SHROOM3: variants seen among roughly 807,000 people sequenced by gnomAD.
SHROOM3 encodes shroom family member 3.
SHROOM3 carries 47 observed loss-of-function variants against 138.6 expected under a neutral mutation model. The observed-to-expected ratio is 0.34, with a 90% confidence interval of 0.27 to 0.43. SHROOM3 has a LOEUF of 0.43. Ranked by LOEUF, SHROOM3 falls within the 20% of genes least tolerant of loss-of-function variation. The pLI, the probability that SHROOM3 is intolerant of heterozygous loss-of-function variation, is 1.00. For missense variants in SHROOM3, 2,491 were observed against 2,596.5 expected, an observed-to-expected ratio of 0.96 and a Z score of 0.88; for synonymous variants, 1,062 against 1,063.3, an observed-to-expected ratio of 1.00 and a Z score of 0.02.
At chr4:76,520,645 T>C (rs2110010312) in intron 1 of SHROOM3, among the ~76,000 whole-genome samples, 1 of 152,258 alleles carries the variant, frequency 6.6e-6, no homozygotes, top group African/African-American at 2.4e-5. Flanking sequence ...GTGACACTAC[T>C]CTGAGTGTGA....
At chr4:76,511,182 C>CAAAAA in intron 1 of SHROOM3, among the ~76,000 whole-genome samples, 1 of 148,208 alleles carries the variant, frequency 6.7e-6, no homozygotes, top group Non-Finnish European at 1.5e-5. Flanking sequence ...AACTCCATCT[C>CAAAAA]AAAAATAATA....
intron 1 of SHROOM3, among the ~76,000 whole-genome samples, chr4:76,532,746 A>C (rs1421748152): frequency 1.3e-5 from 2 of 152,150 alleles, no homozygotes; most frequent in Non-Finnish European, 2.9e-5. Flanking sequence ...ACCTCAGCGT[A>C]CATTTTTTTT....
chr4:76,521,940 A>G (rs918318863), intron 1 of SHROOM3, among the ~76,000 whole-genome samples: 3 of 152,214 alleles, frequency 2.0e-5, no homozygotes, highest in Admixed American at 2.0e-4. Context: ...CAAGGACATG[A>G]TATCATCTTG....
chr4:76,717,987 C>T lies in SHROOM3; in HGVS notation c.455+7700C>T, dbSNP rs925355031. 7.2e-5 allele frequency among the ~76,000 whole-genome samples: 11 copies of T among 152,222 alleles called. No individual in the cohort carries two copies. In the East Asian group the frequency reaches 7.7e-4, roughly 11 times the overall value. ...CCTCCAGAATTATGCTAAATGTCAG[C>T]GCTTGCTTCTATAGATGCCTTTACT... On this transcript the variant is annotated intron_variant, in intron 3 of 10. Transcript: ENST00000296043.
chr4:76,667,837 G>A (rs930477305), intron 2 of SHROOM3, among the ~76,000 whole-genome samples: 1 of 151,068 alleles, frequency 6.6e-6, no homozygotes, highest in Non-Finnish European at 1.5e-5. Flanking sequence ...GCGTGGTGGC[G>A]CCCGCCTGTA....
chr4:76,553,740 A>G (rs1577881148), intron 1 of SHROOM3, among the ~76,000 whole-genome samples: 1 of 151,340 alleles, frequency 6.6e-6, no homozygotes, highest in Admixed American at 6.6e-5. Context: ...ATCCAAATCC[A>G]CCTGCCTCAG....
intron 2 of SHROOM3, among the ~76,000 whole-genome samples, chr4:76,609,000 A>G (rs1307884447): frequency 6.6e-6 from 1 of 151,742 alleles, no homozygotes; most frequent in Non-Finnish European, 1.5e-5. Flanking sequence ...TCAGGTCCCA[A>G]ATAAAACTTA....
chr4:76,455,784 T>G (rs1731015175), intron 1 of SHROOM3, among the ~76,000 whole-genome samples: 1 of 152,126 alleles, frequency 6.6e-6, no homozygotes, highest in Admixed American at 6.6e-5. Flanking sequence ...TCATATCCTT[T>G]CAGTAGGAAT....
chr4:76,714,138 A>T (rs1720308294), intron 3 of SHROOM3, among the ~76,000 whole-genome samples: 1 of 152,206 alleles, frequency 6.6e-6, no homozygotes, highest in African/African-American at 2.4e-5. Context: ...CCGTAGTACA[A>T]ATATCAAAAC....
chr4:76,582,922 A>G (rs1734079236), intron 2 of SHROOM3, among the ~76,000 whole-genome samples: 1 of 152,200 alleles, frequency 6.6e-6, no homozygotes, highest in African/African-American at 2.4e-5. Flanking sequence ...AGATTAGATC[A>G]TCATTACTTC....
rs1352228327 is a variant in SHROOM3 at position 76,780,085 on chromosome 4, T to C, written c.*908T>C. On this transcript the variant is annotated 3_prime_UTR_variant, in exon 11 of 11. Coordinates refer to ENST00000296043, the MANE Select transcript of SHROOM3 (RefSeq NM_020859.4). ...TCCAACAAAATTCAAACGGAGCCCA[T>C]GCTGTTCTCCTGAACAAGATTTGGG... 1.3e-5 allele frequency: 2 copies of C among 152,198 alleles called. No homozygotes were observed. Among genetic ancestry groups the C allele is most frequent in the Non-Finnish European group, 1.5e-5 (1 of 68,024 alleles). The allele number at this position is 152,198 out of a possible 1,614,324, so 9.4% of individuals were successfully genotyped here. A position where few individuals can be genotyped will look rare whatever the true frequency, so the allele number is the denominator to read the frequency against.
At chr4:76,534,489 G>T (rs1229976765) in intron 1 of SHROOM3, among the ~76,000 whole-genome samples, 3 of 151,526 alleles carry the variant, frequency 2.0e-5, no homozygotes, top group Non-Finnish European at 4.4e-5. Context: ...ATGCAAAGCA[G>T]TTGCTCGATA....
intron 1 of SHROOM3, among the ~76,000 whole-genome samples, chr4:76,500,141 C>G (rs977287128): frequency 5.9e-5 from 9 of 152,166 alleles, no homozygotes; most frequent in Non-Finnish European, 1.0e-4. Context: ...GTGAGCTTGA[C>G]TTTTTCTGCT....
chr4:76,776,004 G>A (rs1295930040), intron 10 of SHROOM3, among the ~76,000 whole-genome samples: 4 of 152,018 alleles, frequency 2.6e-5, no homozygotes, highest in Non-Finnish European at 1.5e-5. Context: ...TAGTGGGATT[G>A]CAGGATCAAA....
intron 1 of SHROOM3, among the ~76,000 whole-genome samples, chr4:76,538,487 A>G (rs892618240): frequency 9.2e-5 from 14 of 152,166 alleles, no homozygotes; most frequent in Non-Finnish European, 2.1e-4. Context: ...TGTTGGTGAG[A>G]GGTCTGACAG....
At chr4:76,441,990 G>A (rs1040680585) in intron 1 of SHROOM3, among the ~76,000 whole-genome samples, 1 of 152,208 alleles carries the variant, frequency 6.6e-6, no homozygotes, top group African/African-American at 2.4e-5. Context: ...CCAAAATTCC[G>A]AGATTACAGG....
In SHROOM3 at chr4:76,730,466, G is replaced by C. The variant is rs1221314490; in HGVS notation, c.456-338G>C. 2.6e-5 allele frequency among the ~76,000 whole-genome samples: 4 copies of C among 152,168 alleles called. No individual in the cohort carries two copies. In the East Asian group the frequency reaches 7.7e-4, roughly 29 times the overall value. Reference sequence around the variant, plus strand: ...ATAGATAGAGACCAAGAAAGACCAAGGCAACTCCATGTGCTTTACATTAAT... The same window carrying C: ...ATAGATAGAGACCAAGAAAGACCAACGCAACTCCATGTGCTTTACATTAAT... On this transcript the variant is annotated intron_variant, in intron 3 of 10. Coordinates refer to ENST00000296043, the MANE Select transcript of SHROOM3 (RefSeq NM_020859.4).
At chr4:76,650,798 C>T (rs967168310) in intron 2 of SHROOM3, among the ~76,000 whole-genome samples, 6 of 152,142 alleles carry the variant, frequency 3.9e-5, no homozygotes, top group Non-Finnish European at 1.5e-5. Context: ...CCATCTCAGT[C>T]TCCCAAAGTG....
chr4:76,493,597 C>T (rs571788127), intron 1 of SHROOM3, among the ~76,000 whole-genome samples: 144 of 152,236 alleles, frequency 9.5e-4, no homozygotes, highest in Non-Finnish European at 1.8e-3. Flanking sequence ...CTGGCTAGGA[C>T]GAGAACCCTC....
Sources: gnomAD v4.1 joint callset for allele counts (sites outside exome capture counted in the v4.1 genomes callset) on GRCh38, gnomAD v4.1.1 for gene constraint, MANE v1.5 for transcripts, NCBI Gene and HGNC (gene_info 2026-07-23, HGNC 2026-07-21) for gene names.